The following PDCD5 variants were observed in gnomAD, a reference collection of about 807,000 sequenced individuals.
The protein encoded by PDCD5 is programmed cell death 5.
PDCD5 carries 23 observed loss-of-function variants against 21.9 expected under a neutral mutation model. That is an observed-to-expected ratio of 1.05 (90% CI 0.76 to 1.49). The LOEUF is 1.49. Ranked by LOEUF, PDCD5 falls within the 40% of genes most tolerant of loss-of-function variation. The pLI is 0.00. For synonymous variants in PDCD5, 45 were observed against 49.4 expected (o/e 0.91, Z 0.37); for missense variants, 152 against 147.7 (o/e 1.03, Z -0.15).
intron 1 of PDCD5, 143 bp from the exon 2 acceptor site, chr19:32,582,050 GAT>G (rs1490967281): frequency 1.5e-6 from 1 of 679,602 alleles, no homozygotes; most frequent in Non-Finnish European, 2.6e-6. Flanking sequence ...CTAGTTCATT[GAT>G]TTCTGTGAGG....
At chr19:32,584,856 T>C (rs1971460912) in intron 2 of PDCD5, 94 bp from the exon 3 acceptor site, 2 of 932,632 alleles carry the variant, frequency 2.1e-6, no homozygotes, top group African/African-American at 1.6e-5. Context: ...AGGCCCCATG[T>C]GGAGACACAT....
Position 32,587,384 on chromosome 19 carries a change from T to G in PDCD5, c.*84T>G, listed in dbSNP as rs1246928381. ...CTGATTATTTACTTTGTTTATTGTC[T>G]ATATGCCTTTTAAAAAAATAAACTT... On this transcript the variant is annotated 3_prime_UTR_variant, in exon 6 of 6. Transcript: ENST00000590247. The G allele has an allele frequency of 1.2e-6, 1 of 859,878 alleles. No homozygotes were observed. The highest frequency in any genetic ancestry group is 1.8e-6 in the Non-Finnish European group (1 of 556,024). 53.3% of individuals were successfully genotyped at this position (859,878 alleles called of 1,614,324 possible). A position where few individuals can be genotyped will look rare whatever the true frequency, so the allele number is the denominator to read the frequency against.
chr19:32,585,030 A>C lies in PDCD5; in HGVS notation c.166+19A>C. 6.3e-7 allele frequency: 1 copy of C among 1,597,924 alleles called. No homozygotes were observed. Among genetic ancestry groups the C allele is most frequent in the African/African-American group, 1.3e-5 (1 of 74,618 alleles). ...GCCAGGTGTAAGCATCTTTGATTTCATTTCCATAAAGTTAGCTTGAGTTAG... is the reference window on the plus strand; with the variant it reads ...GCCAGGTGTAAGCATCTTTGATTTCCTTTCCATAAAGTTAGCTTGAGTTAG... On this transcript the variant is annotated intron_variant, in intron 3 of 5. Transcript: ENST00000590247.
At chr19:32,586,644 C>T in intron 4 of PDCD5, 2 of 1,278,544 alleles carry the variant, frequency 1.6e-6, no homozygotes, top group South Asian at 2.4e-5. Context: ...ATGGATACTT[C>T]CCCCTCCTTC....
chr19:32,581,379 C>T lies in PDCD5; in HGVS notation c.66+52C>T, dbSNP rs887419585. The T allele has an allele frequency of 5.2e-6, 7 of 1,334,942 alleles. No homozygotes were observed. The Admixed American group carries it at 1.3e-4, about 25-fold the overall frequency. 82.7% of individuals were successfully genotyped at this position (1,334,942 alleles called of 1,614,324 possible). A position where few individuals can be genotyped will look rare whatever the true frequency, so the allele number is the denominator to read the frequency against. ...TGGCCCTCGCGGGGCGCCGCCCTCG[C>T]CCGGAGTGTAGGGCGCGCCTCCGGG... is the stretch of plus-strand genomic sequence containing the variant. On this transcript the variant is annotated intron_variant, in intron 1 of 5. Coordinates refer to ENST00000590247, the MANE Select transcript of PDCD5 (RefSeq NM_004708.4).
chr19:32,583,571 CTATTA>C (rs1333449906), intron 2 of PDCD5, among the ~76,000 whole-genome samples: 2 of 151,624 alleles, frequency 1.3e-5, no homozygotes, highest in Admixed American at 6.6e-5. Context: ...ATGGAGATCT[CTATTA>C]GACCTCTCAT....
chr19:32,584,972 A>G lies in PDCD5; in HGVS notation c.127A>G (p.Ile43Val). 1 of 1,614,010 alleles carries G rather than the reference A, an allele frequency of 6.2e-7. No individual in the cohort carries two copies. The highest frequency in any genetic ancestry group is 8.5e-7 in the Non-Finnish European group (1 of 1,179,846). The change falls in exon 3 of 6, where the codon ATC becomes GTC. Residue 43 changes from isoleucine (I) to valine (V), a missense_variant. Coordinates refer to ENST00000590247, the MANE Select transcript of PDCD5 (RefSeq NM_004708.4). Reference sequence around the variant, plus strand: ...TAGGGAAGCAGAAATGAGAAACAGTATCTTAGCCCAAGTTCTGGATCAGTC... The same window carrying G: ...TAGGGAAGCAGAAATGAGAAACAGTGTCTTAGCCCAAGTTCTGGATCAGTC... ...KHREAEMRNSILAQVLDQSAR... is the reference protein window; with the variant it reads ...KHREAEMRNSVLAQVLDQSAR...
chr19:32,581,357 C>G (rs1045913422), intron 1 of PDCD5, 30 bp downstream of exon 1: 1 of 1,448,812 alleles, frequency 6.9e-7, no homozygotes, highest in South Asian at 1.3e-5. Context: ...CCAGGCTTGG[C>G]CCTCGCGGGG....
At chr19:32,584,438 G>A (rs1454827739) in intron 2 of PDCD5, among the ~76,000 whole-genome samples, 1 of 152,176 alleles carries the variant, frequency 6.6e-6, no homozygotes, top group Non-Finnish European at 1.5e-5. Flanking sequence ...TAGTTGCAAA[G>A]TTATAATTTC....
chr19:32,581,214 G>A lies in PDCD5; in HGVS notation c.-48G>A, dbSNP rs1223149669. On this transcript the variant is annotated 5_prime_UTR_variant, in exon 1 of 6. Transcript: ENST00000590247. ...CAGTGGTCAAGGCCGCGCTCGCGCC[G>A]AGGGGCTGCGAGAGTGACCGCGGCT... 3.6e-6 allele frequency: 5 copies of A among 1,386,090 alleles called. No homozygotes were observed. The highest frequency in any genetic ancestry group is 2.8e-5 in the South Asian group (2 of 72,042). 85.9% of individuals were successfully genotyped at this position (1,386,090 alleles called of 1,614,324 possible).
At chr19:32,585,315 G>A (rs748603318) in intron 3 of PDCD5, among the ~76,000 whole-genome samples, 29 of 152,122 alleles carry the variant, frequency 1.9e-4, no homozygotes, top group Non-Finnish European at 3.5e-4. Context: ...TGGTGATGGG[G>A]ACTGGGGATG....
intron 5 of PDCD5, 117 bp from the exon 6 acceptor site, chr19:32,587,136 C>A: frequency 1.1e-6 from 1 of 891,712 alleles, no homozygotes; most frequent in Non-Finnish European, 1.8e-6. Flanking sequence ...TTTTAGTTCA[C>A]GCTAAGTTGC....
intron 4 of PDCD5, 149 bp downstream of exon 4, chr19:32,586,056 A>T: frequency 3.8e-6 from 6 of 1,565,226 alleles, no homozygotes; most frequent in Non-Finnish European, 5.2e-6. Context: ...CTACTTTAAA[A>T]GAGAATAAAT....
rs751108641 is a variant in PDCD5, at chr19:32,581,282, G to A, written c.21G>A (p.Glu7=). 2.0e-6 allele frequency: 3 copies of A among 1,530,162 alleles called. No homozygotes were observed. The highest frequency in any genetic ancestry group is 4.0e-5 in the Admixed American group (2 of 50,350). 94.8% of individuals were successfully genotyped at this position (1,530,162 alleles called of 1,614,324 possible). A position where few individuals can be genotyped will look rare whatever the true frequency, so the allele number is the denominator to read the frequency against. The change falls in exon 1 of 6, where the codon GAG becomes GAA. Residue 7 remains glutamate (E), a synonymous_variant. Coordinates refer to ENST00000590247, the MANE Select transcript of PDCD5 (RefSeq NM_004708.4). MADEEL[E]ALRRQRLAEL... ...GAGCCATGGCGGACGAGGAGCTTGA[G>A]GCGCTGAGGAGACAGAGGCTGGCCG... is the stretch of plus-strand genomic sequence containing the variant.
chr19:32,583,114 A>G (rs549543925), intron 2 of PDCD5, among the ~76,000 whole-genome samples: 2 of 152,174 alleles, frequency 1.3e-5, no homozygotes, highest in Non-Finnish European at 2.9e-5. Flanking sequence ...CTATCACTTG[A>G]GTACATTTCT....
chr19:32,583,678 C>T (rs1971450756), intron 2 of PDCD5, among the ~76,000 whole-genome samples: 1 of 151,974 alleles, frequency 6.6e-6, no homozygotes, highest in African/African-American at 2.4e-5. Context: ...TAGTTTGTGG[C>T]AGGCCAGGTG....
At chr19:32,582,281 A>G (rs746618273) in intron 2 of PDCD5, 49 bp downstream of exon 2, 4 of 1,515,830 alleles carry the variant, frequency 2.6e-6, no homozygotes, top group South Asian at 1.1e-5. Flanking sequence ...CACCAAATGG[A>G]TTTCTTTTGC....
chr19:32,587,355 A>G lies in PDCD5; in HGVS notation c.*55A>G. 1 of 1,189,512 alleles carries G rather than the reference A, an allele frequency of 8.4e-7. No homozygotes were observed. 73.7% of individuals were successfully genotyped at this position (1,189,512 alleles called of 1,614,324 possible). ...CGGAACAAGTCTAGGACAGAAGTTA[A>G]GATCTGATTATTTACTTTGTTTATT... On this transcript the variant is annotated 3_prime_UTR_variant, in exon 6 of 6. Coordinates refer to ENST00000590247, the MANE Select transcript of PDCD5 (RefSeq NM_004708.4).
chr19:32,583,482 TA>T (rs1448969606), intron 2 of PDCD5, among the ~76,000 whole-genome samples: 1 of 151,336 alleles, frequency 6.6e-6, no homozygotes, highest in Non-Finnish European at 1.5e-5. Flanking sequence ...ATAGCCTCGC[TA>T]TATCACCCAG....
Sources: gnomAD v4.1 joint callset for allele counts (sites outside exome capture counted in the v4.1 genomes callset) on GRCh38, gnomAD v4.1.1 for gene constraint, MANE v1.5 for transcripts, NCBI Gene and HGNC (gene_info 2026-07-23, HGNC 2026-07-21) for gene names.